Variants in RIOK1 observed in about 807,000 individuals in gnomAD.
RIOK1 encodes the protein serine/threonine-protein kinase RIO1.
RIOK1 carries 66 observed loss-of-function variants against 73.5 expected under a neutral mutation model. The observed-to-expected ratio is 0.90, with a 90% CI of 0.74 to 1.10. RIOK1 has a LOEUF of 1.10. Ranked by LOEUF, RIOK1 falls within the 50% of genes least tolerant of loss-of-function variation. RIOK1 has a pLI of 0.00. For missense variants in RIOK1, 658 were observed against 699.8 expected (o/e 0.94, Z 0.67); for synonymous variants, 224 against 226.8 (o/e 0.99, Z 0.11).
At chr6:7,395,941 C>T (rs1761464611) in intron 3 of RIOK1, among the ~76,000 whole-genome samples, 1 of 152,198 alleles carries the variant, frequency 6.6e-6, no homozygotes, top group Non-Finnish European at 1.5e-5. Flanking sequence ...CTCCTGAGCT[C>T]AAGTGATCTG....
intron 12 of RIOK1, among the ~76,000 whole-genome samples, chr6:7,406,965 G>A (rs747091565): frequency 6.6e-6 from 1 of 152,152 alleles, no homozygotes; most frequent in South Asian, 2.1e-4. Flanking sequence ...CCTGGCCTAG[G>A]ATTTCTTCTT....
intron 1 of RIOK1, among the ~76,000 whole-genome samples, chr6:7,391,579 C>T (rs528838496): frequency 1.3e-5 from 2 of 152,290 alleles, no homozygotes; most frequent in Admixed American, 6.5e-5. Flanking sequence ...ACTAATTTAC[C>T]ATCCACCCCA....
At chr6:7,397,391 A>G (rs1262948541) in intron 4 of RIOK1, among the ~76,000 whole-genome samples, 1 of 152,236 alleles carries the variant, frequency 6.6e-6, no homozygotes, top group East Asian at 1.9e-4. Flanking sequence ...TTAAACTAAA[A>G]TGTGCAAAAA....
At position 7,403,998 on chromosome 6, in the gene RIOK1, T is replaced by C. The variant is rs764876269; in HGVS notation, c.825T>C (p.Leu275=). Residue 275 remains leucine, a synonymous_variant, in exon 9 of 17, where the codon CTT becomes CTC. Transcript: ENST00000379834. ...PEPIMLRSHV[L]VMSFIGKDDM... ...CAATAATGCTAAGAAGTCATGTTCT[T>C]GTCATGAGTTTCATCGGTAAAGATG... The C allele has an allele frequency of 4.1e-5, 66 of 1,611,942 alleles. No individual in the cohort carries two copies. The highest frequency in any genetic ancestry group is 5.5e-5 in the Non-Finnish European group (65 of 1,178,600).
At chr6:7,394,415 CAG>C (rs1273509316) in intron 2 of RIOK1, among the ~76,000 whole-genome samples, 1 of 152,206 alleles carries the variant, frequency 6.6e-6, no homozygotes, top group African/African-American at 2.4e-5. Context: ...GCCTGGGCAA[CAG>C]AGCGAGACTC....
intron 16 of RIOK1, among the ~76,000 whole-genome samples, chr6:7,415,232 G>A (rs1761969763): frequency 6.6e-6 from 1 of 152,044 alleles, no homozygotes; most frequent in Non-Finnish European, 1.5e-5. Context: ...ACCAGTCTGG[G>A]CAATAGAGTG....
intron 8 of RIOK1, among the ~76,000 whole-genome samples, chr6:7,403,320 G>A (rs559454369): frequency 1.2e-4 from 18 of 152,308 alleles, no homozygotes; most frequent in African/African-American, 2.4e-5. Flanking sequence ...TTGTTAGGTC[G>A]TGAACTCTTT....
intron 1 of RIOK1, among the ~76,000 whole-genome samples, 176 bp downstream of exon 1, chr6:7,390,249 C>G (rs1423297152): frequency 1.3e-5 from 2 of 152,162 alleles, no homozygotes; most frequent in Non-Finnish European, 2.9e-5. Context: ...CCAGTTCACG[C>G]GGCAGAGTTA....
chr6:7,393,861 G>GGAAGCA (rs1761403264), intron 2 of RIOK1, among the ~76,000 whole-genome samples: 1 of 152,178 alleles, frequency 6.6e-6, no homozygotes, highest in African/African-American at 2.4e-5. Context: ...GAGGAACATT[G>GGAAGCA]GAAGCAACCT....
chr6:7,402,545 T>C lies in RIOK1; in HGVS notation c.574-58T>C, dbSNP rs1761636323. On this transcript the variant is annotated intron_variant, in intron 6 of 16. Coordinates refer to ENST00000379834, the MANE Select transcript of RIOK1 (RefSeq NM_031480.3). ...ACTTTTGAGGTTAGAATCAAATAGA[T>C]TGAAAAAGTGGTTATTTAACATAAA... The C allele has an allele frequency of 2.3e-6, 3 of 1,284,488 alleles. No homozygotes were observed. The South Asian group carries it at 4.1e-5, about 18-fold the overall frequency. 79.6% of individuals were successfully genotyped at this position (1,284,488 alleles called of 1,614,324 possible). A position where few individuals can be genotyped will look rare whatever the true frequency, so the allele number is the denominator to read the frequency against.
intron 16 of RIOK1, among the ~76,000 whole-genome samples, chr6:7,416,453 C>T (rs1004258840): frequency 2.6e-5 from 4 of 152,074 alleles, no homozygotes; most frequent in Admixed American, 2.6e-4. Context: ...TCGAGACCAT[C>T]CTGGCTAACA....
In RIOK1 at chr6:7,393,207, G is replaced by A. The variant is rs1761384255; in HGVS notation, c.180G>A (p.Glu60=). 6.2e-7 allele frequency: 1 copy of A among 1,613,194 alleles called. No homozygotes were observed. Among genetic ancestry groups the A allele is most frequent in the African/African-American group, 1.3e-5 (1 of 75,016 alleles). The part of the protein sequence containing the change: ...NGEGEIEDEE[E]EGYDDDDDDW... ...AAGGTGAAATAGAAGATGAGGAGGAGGAGGGTTATGACGATGATGATGATG... is the reference window on the plus strand; with the variant it reads ...AAGGTGAAATAGAAGATGAGGAGGAAGAGGGTTATGACGATGATGATGATG... The change falls in exon 2 of 17, where the codon GAG becomes GAA. Residue 60 remains glutamate, a synonymous_variant. Transcript: ENST00000379834.
At chr6:7,413,489 A>G (rs533802533) in intron 15 of RIOK1, among the ~76,000 whole-genome samples, 2 of 152,302 alleles carry the variant, frequency 1.3e-5, no homozygotes, top group East Asian at 3.9e-4. Context: ...ATTTTTTTAA[A>G]TCTTCCTAAT....
chr6:7,403,450 A>AT (rs886218119), intron 8 of RIOK1, among the ~76,000 whole-genome samples: 1 of 152,184 alleles, frequency 6.6e-6, no homozygotes, highest in Non-Finnish European at 1.5e-5. Flanking sequence ...TTTCCTGAAA[A>AT]TTATGGAGTT....
At chr6:7,394,968 G>T (rs188124300) in intron 2 of RIOK1, 85 bp from the exon 3 acceptor site, 1 of 1,565,436 alleles carries the variant, frequency 6.4e-7, no homozygotes, top group Admixed American at 1.8e-5. Flanking sequence ...TGCTTTAATA[G>T]CTAAGTATGA....
intron 3 of RIOK1, among the ~76,000 whole-genome samples, chr6:7,395,513 C>CA (rs34911861): frequency 0.54 from 58,658 of 107,806 alleles, 14,215 homozygotes; most frequent in Middle Eastern, 0.68. Flanking sequence ...AATTCCATCT[C>CA]AAAAAAAAAA....
Position 7,403,950 on chromosome 6 carries a change from A to G in RIOK1, c.777A>G (p.Thr259=), listed in dbSNP as rs142894266. The part of the protein sequence containing the change: ...KEMRNLIRLN[T]AEIPCPEPIM... ...TGTTATAATATCACAGGCTAAACAC[A>G]GCAGAGATACCATGTCCAGAACCAA... The change falls in exon 9 of 17, where the codon ACA becomes ACG. Residue 259 remains threonine (T), a synonymous_variant. Coordinates refer to ENST00000379834, the MANE Select transcript of RIOK1 (RefSeq NM_031480.3). The G allele has an allele frequency of 3.9e-4, 629 of 1,610,900 alleles. 1 individual carries two copies. Among genetic ancestry groups the G allele is most frequent in the Non-Finnish European group, 4.8e-4 (566 of 1,177,756 alleles).
At chr6:7,395,860 C>T (rs1761462670) in intron 3 of RIOK1, among the ~76,000 whole-genome samples, 1 of 152,106 alleles carries the variant, frequency 6.6e-6, no homozygotes, top group African/African-American at 2.4e-5. Flanking sequence ...CAGGTGCACA[C>T]CACCACACCC....
intron 15 of RIOK1, 25 bp downstream of exon 15, chr6:7,412,967 T>A (rs766119550): frequency 4.1e-6 from 6 of 1,451,850 alleles, no homozygotes; most frequent in Non-Finnish European, 5.6e-6. Flanking sequence ...TGTTACTGTT[T>A]GTTTATGTGA....
Sources: gnomAD v4.1 joint callset for allele counts (sites outside exome capture counted in the v4.1 genomes callset) on GRCh38, gnomAD v4.1.1 for gene constraint, MANE v1.5 for transcripts, NCBI Gene and HGNC (gene_info 2026-07-23, HGNC 2026-07-21) for gene names.